Variants in TLN2 observed in about 807,000 individuals in gnomAD.
TLN2 encodes the protein talin 2, also known as talin-2.
TLN2 carries 118 observed loss-of-function variants against 294.7 expected under a neutral mutation model. The ratio of observed to expected loss-of-function variants is 0.40; its 90% CI spans 0.34 to 0.47. The LOEUF is 0.47. Among genes scored for constraint, TLN2 ranks in the 20% least tolerant of loss-of-function variants. The pLI is 0.84. For missense variants in TLN2, 3,083 were observed against 3,282.2 expected, an observed-to-expected ratio of 0.94 and a Z score of 1.48; for synonymous variants, 1,431 against 1,304.5, an observed-to-expected ratio of 1.10 and a Z score of -2.09.
At chr15:62,544,582 G>A (rs1163638794) in intron 1 of TLN2, among the ~76,000 whole-genome samples, 5 of 152,160 alleles carry the variant, frequency 3.3e-5, no homozygotes, top group African/African-American at 4.8e-5. Context: ...AAATTGAGGC[G>A]TGCTTTGGAA....
intron 1 of TLN2, among the ~76,000 whole-genome samples, chr15:62,432,964 G>A (rs1324420268): frequency 3.3e-5 from 5 of 152,098 alleles, no homozygotes; most frequent in Admixed American, 3.3e-4. Flanking sequence ...ATCCAGATGT[G>A]TTTGACATAG....
Position 62,708,710 on chromosome 15 carries a change from G to A in TLN2, c.2381G>A (p.Arg794Gln), listed in dbSNP as rs145362831. 1.0e-4 allele frequency: 168 copies of A among 1,613,444 alleles called. No individual in the cohort carries two copies. The highest frequency in any genetic ancestry group is 1.4e-4 in the Non-Finnish European group (160 of 1,180,050). The stretch of plus-strand genomic sequence containing the variant: ...CAGCATGTGCGGCAGTTTGCCAGCC[G>A]AGGCGAGCCCATCGGCCGCTACGAC... ...LLQHVRQFASRGEPIGRYDQA... is the reference protein window; with the variant it reads ...LLQHVRQFASQGEPIGRYDQA... The change falls in exon 21 of 59, where the codon CGA becomes CAA. Residue 794 changes from arginine (R) to glutamine (Q), a missense_variant. Coordinates refer to ENST00000636159, the MANE Select transcript of TLN2 (RefSeq NM_015059.3).
At position 62,708,585 on chromosome 15, in the gene TLN2, C is replaced by A. The variant is rs1285433769; in HGVS notation, c.2256C>A (p.Asn752Lys). 1 of 1,614,234 alleles carries A rather than the reference C, an allele frequency of 6.2e-7. No individual in the cohort carries two copies. The highest frequency in any genetic ancestry group is 1.1e-5 in the South Asian group (1 of 91,088). Residue 752 changes from asparagine (N) to lysine (K), a missense_variant, in exon 21 of 59, where the codon AAC becomes AAA. Transcript: ENST00000636159. ...AGKLVDRSVE[N>K]CVRACQAATT... is the part of the protein sequence containing the mutation. ...AGCTGGTGGACCGCTCGGTGGAGAA[C>A]TGTGTCCGTGCCTGCCAGGCGGCCA...
chr15:62,441,953 G>T (rs976227311), intron 1 of TLN2, among the ~76,000 whole-genome samples: 2 of 152,084 alleles, frequency 1.3e-5, no homozygotes, highest in African/African-American at 4.8e-5. Flanking sequence ...CTTCTATCTG[G>T]CTGTCCATCT....
chr15:62,822,016 A>G (rs1224871211), intron 54 of TLN2, among the ~76,000 whole-genome samples: 1 of 152,208 alleles, frequency 6.6e-6, no homozygotes, highest in Non-Finnish European at 1.5e-5. Context: ...GTCAGTTGAC[A>G]CATTCGTTCT....
chr15:62,797,481 G>A, intron 48 of TLN2, 79 bp downstream of exon 48: 4 of 1,451,066 alleles, frequency 2.8e-6, no homozygotes, highest in Non-Finnish European at 3.6e-6. Flanking sequence ...GAGGCCTAAG[G>A]CAGAACAGGA....
At chr15:62,433,391 C>A (rs746181727) in intron 1 of TLN2, among the ~76,000 whole-genome samples, 10 of 152,126 alleles carry the variant, frequency 6.6e-5, no homozygotes, top group Admixed American at 5.2e-4. Flanking sequence ...TTCTGAAACT[C>A]CATAGGGCCT....
chr15:62,555,988 T>C (rs939758279), intron 1 of TLN2, among the ~76,000 whole-genome samples: 1 of 151,136 alleles, frequency 6.6e-6, no homozygotes, highest in Admixed American at 6.6e-5. Context: ...AGTTGGACTT[T>C]AAGATTAGTT....
intron 1 of TLN2, among the ~76,000 whole-genome samples, chr15:62,417,172 G>T (rs1396998517): frequency 6.6e-6 from 1 of 152,172 alleles, no homozygotes; most frequent in South Asian, 2.1e-4. Context: ...TTCTGCATCT[G>T]ATAGTTGTCT....
chr15:62,738,618 A>G lies in TLN2; in HGVS notation c.3687+285A>G, dbSNP rs571865120. Among the ~76,000 whole-genome samples the G allele has an allele frequency of 3.3e-5, 5 of 152,284 alleles. No homozygotes were observed. In the East Asian group the frequency reaches 9.6e-4, roughly 29 times the overall value. Reference sequence around the variant, plus strand: ...TGTGATCACCTGTCTTCTCATCAGGACATCTCAGATAGTGACAGTCAGGTG... The same window carrying G: ...TGTGATCACCTGTCTTCTCATCAGGGCATCTCAGATAGTGACAGTCAGGTG... On this transcript the variant is annotated intron_variant, in intron 30 of 58. Transcript: ENST00000636159.
chr15:62,597,060 G>A (rs2046590713), intron 2 of TLN2, among the ~76,000 whole-genome samples: 1 of 152,012 alleles, frequency 6.6e-6, no homozygotes, highest in African/African-American at 2.4e-5. Context: ...CCATCTCCCT[G>A]CCTCCCTAAA....
intron 1 of TLN2, among the ~76,000 whole-genome samples, chr15:62,427,103 G>T (rs2034758025): frequency 6.6e-6 from 1 of 152,154 alleles, no homozygotes; most frequent in Admixed American, 6.5e-5. Flanking sequence ...CACCCCCGAG[G>T]TTATTGGCCT....
chr15:62,599,195 G>A (rs1172577147), intron 2 of TLN2, among the ~76,000 whole-genome samples: 2 of 152,182 alleles, frequency 1.3e-5, no homozygotes, highest in Non-Finnish European at 2.9e-5. Flanking sequence ...TTAGAGCTGG[G>A]CCTCAGTTAC....
At chr15:62,458,817 C>T (rs1220573622) in intron 1 of TLN2, among the ~76,000 whole-genome samples, 1 of 151,916 alleles carries the variant, frequency 6.6e-6, no homozygotes. Flanking sequence ...TTGAGTGCGA[C>T]TCTCCTTGCA....
At chr15:62,399,697 T>C (rs1276826656) in intron 1 of TLN2, among the ~76,000 whole-genome samples, 1 of 152,256 alleles carries the variant, frequency 6.6e-6, no homozygotes, top group East Asian at 1.9e-4. Context: ...GATTTTGGAC[T>C]TGCATGGGGC....
intron 43 of TLN2, among the ~76,000 whole-genome samples, chr15:62,779,077 A>G (rs917356630): frequency 6.6e-6 from 1 of 152,252 alleles, no homozygotes; most frequent in African/African-American, 2.4e-5. Flanking sequence ...GAATTATAGA[A>G]AAACCTGAGT....
chr15:62,710,841 T>G (rs945375965), intron 21 of TLN2, among the ~76,000 whole-genome samples: 1 of 146,536 alleles, frequency 6.8e-6, no homozygotes, highest in Non-Finnish European at 1.5e-5. Flanking sequence ...TTCTTCTGCC[T>G]TAGCCTCCTG....
At chr15:62,653,508 C>T (rs942261060) in intron 7 of TLN2, among the ~76,000 whole-genome samples, 194 bp downstream of exon 7, 2 of 152,096 alleles carry the variant, frequency 1.3e-5, no homozygotes, top group Admixed American at 6.5e-5. Context: ...GGTGTATTAC[C>T]TGAGGTCAGG....
In TLN2 at chr15:62,701,150, C is replaced by G; in HGVS notation, c.1632C>G (p.His544Gln). 2.5e-6 allele frequency: 4 copies of G among 1,614,076 alleles called. No homozygotes were observed. The highest frequency in any genetic ancestry group is 3.4e-6 in the Non-Finnish European group (4 of 1,180,004). ...AGAACAAAGTCGACGAATCCAAACA[C>G]GAAATCCATTCTCAAGTTGATGCTA... ...WVQNKVDESK[H>Q]EIHSQVDAIT... The change falls in exon 17 of 59, where the codon CAC becomes CAG. Residue 544 changes from histidine to glutamine, a missense_variant. Coordinates refer to ENST00000636159, the MANE Select transcript of TLN2 (RefSeq NM_015059.3).
Sources: allele counts gnomAD v4.1 joint callset (sites outside exome capture counted in the v4.1 genomes callset), GRCh38; gene constraint gnomAD v4.1.1; transcripts MANE v1.5; gene names NCBI Gene and HGNC (gene_info 2026-07-23, HGNC 2026-07-21).